FBXO34: variants seen among roughly 807,000 people sequenced by gnomAD.
The protein encoded by FBXO34 is F-box only protein 34.
A neutral mutation model predicts 24.5 loss-of-function variants in FBXO34; 12 were observed. That is an observed-to-expected ratio of 0.49 (90% confidence interval 0.31 to 0.79). FBXO34 has a LOEUF of 0.79. Among genes scored for constraint, FBXO34 ranks in the 30% least tolerant of loss-of-function variants. FBXO34 has a pLI of 0.04. For missense variants in FBXO34, 823 were observed against 857.7 expected, an observed-to-expected ratio of 0.96 and a Z score of 0.51; for synonymous variants, 320 against 311.9, an observed-to-expected ratio of 1.03 and a Z score of -0.27.
the FBXO34 span, among the ~76,000 whole-genome samples, chr14:55,406,969 T>C: frequency 1.3e-5 from 2 of 151,778 alleles, no homozygotes; most frequent in Non-Finnish European, 2.9e-5. Flanking sequence ...ATTGTCTTTT[T>C]TTTTTTTTTT....
At chr14:55,355,903 A>C (rs578104303), downstream of FBXO34, among the ~76,000 whole-genome samples, 1 of 152,296 alleles carries the variant, frequency 6.6e-6, no homozygotes, top group South Asian at 2.1e-4. Flanking sequence ...AGGGAGGTAA[A>C]GGGGTCTTGG....
intron 1 of FBXO34, among the ~76,000 whole-genome samples, chr14:55,286,909 T>C (rs1400320344): frequency 2.7e-5 from 4 of 148,874 alleles, no homozygotes; most frequent in Non-Finnish European, 6.0e-5. Flanking sequence ...TCATTTACTT[T>C]TTTTTTTTTT....
chr14:55,407,773 T>C, the FBXO34 span, among the ~76,000 whole-genome samples: 1 of 152,096 alleles, frequency 6.6e-6, no homozygotes, highest in Non-Finnish European at 1.5e-5. Flanking sequence ...TAGGGTACTG[T>C]GATAGCAAAT....
downstream of FBXO34, among the ~76,000 whole-genome samples, chr14:55,366,215 C>A (rs961606475): frequency 6.6e-6 from 1 of 152,108 alleles, no homozygotes; most frequent in Non-Finnish European, 1.5e-5. Context: ...ATTGTTAATA[C>A]CACCATAATC....
At chr14:55,442,674 C>T in the FBXO34 span, among the ~76,000 whole-genome samples, 1 of 152,076 alleles carries the variant, frequency 6.6e-6, no homozygotes, top group African/African-American at 2.4e-5. Context: ...CATATAATTG[C>T]TTACGATGGT....
In FBXO34 at chr14:55,352,346, G is replaced by A. The variant is rs757297376; in HGVS notation, c.1956G>A (p.Lys652=). The change falls in exon 2 of 2, where the codon AAG becomes AAA. Residue 652 remains lysine, a synonymous_variant. Transcript: ENST00000313833. ...TGTCCCTGTGCCGATGGCACCCCAA[G>A]CCCTATTGCCAGGCATTGCCCTATG... ...GDVSLCRWHP[K]PYCQALPYGP... is the part of the protein sequence containing the mutation. The A allele has an allele frequency of 3.7e-6, 6 of 1,614,102 alleles. No homozygotes were observed. The highest frequency in any genetic ancestry group is 1.3e-5 in the African/African-American group (1 of 74,930).
At chr14:55,285,431 T>C (rs1594725873) in intron 1 of FBXO34, 1 of 151,118 alleles carries the variant, frequency 6.6e-6, no homozygotes, top group South Asian at 2.1e-4. Flanking sequence ...TTACCTAAGG[T>C]GGGGTGAAGG....
chr14:55,369,528 A>G, downstream of FBXO34: 1 of 1,212,246 alleles, frequency 8.2e-7, no homozygotes, highest in Non-Finnish European at 1.1e-6. Context: ...TGTTCCAGAC[A>G]CTATCTTAAC....
chr14:55,377,680 C>G, the FBXO34 span: 3 of 482,748 alleles, frequency 6.2e-6, no homozygotes, highest in Non-Finnish European at 1.1e-5. Context: ...ACCTTTGTTT[C>G]TTTCTGTATT....
At chr14:55,396,034 G>C in the FBXO34 span, 1 of 1,414,388 alleles carries the variant, frequency 7.1e-7, no homozygotes, top group Non-Finnish European at 9.6e-7. Context: ...AAAATTCTGT[G>C]AAGTTCAAAA....
chr14:55,417,376 A>C, the FBXO34 span, among the ~76,000 whole-genome samples: 1 of 150,978 alleles, frequency 6.6e-6, no homozygotes, highest in Non-Finnish European at 1.5e-5. Flanking sequence ...AATTGGCTCC[A>C]TAGTCCTATT....
chr14:55,280,097 C>G (rs114458760), intron 1 of FBXO34, among the ~76,000 whole-genome samples: 1,824 of 152,210 alleles, frequency 0.012, 44 homozygotes, highest in African/African-American at 0.041. Flanking sequence ...TTCTTCTCAT[C>G]CTACTAGTAT....
At chr14:55,311,655 C>T (rs1166997730) in intron 1 of FBXO34, among the ~76,000 whole-genome samples, 1 of 152,096 alleles carries the variant, frequency 6.6e-6, no homozygotes, top group African/African-American at 2.4e-5. Flanking sequence ...AGAAATTAGC[C>T]CAAACAAAGG....
At chr14:55,435,986 A>AAG in the FBXO34 span, 1 of 1,184,396 alleles carries the variant, frequency 8.4e-7, no homozygotes, top group Non-Finnish European at 1.2e-6. Flanking sequence ...AGAGTAAAAA[A>AAG]AAAAAAAGAC....
the FBXO34 span, among the ~76,000 whole-genome samples, chr14:55,412,501 G>A: frequency 6.6e-6 from 1 of 152,164 alleles, no homozygotes; most frequent in East Asian, 1.9e-4. Flanking sequence ...CCTGGGCCAT[G>A]CTCTAAGAGA....
rs928596890 is a variant in FBXO34, at chr14:55,344,516, C to G, written c.-10-5865C>G. Among the ~76,000 whole-genome samples, 4 of 150,896 alleles carry G rather than the reference C, an allele frequency of 2.7e-5. No individual in the cohort carries two copies. The East Asian group carries it at 5.8e-4, about 22-fold the overall frequency. On this transcript the variant is annotated intron_variant, in intron 1 of 1. Coordinates refer to ENST00000313833, the MANE Select transcript of FBXO34 (RefSeq NM_017943.4). ...TGGATATCTCTGTCTTGTAGGCACT[C>G]AAGCCCAATGTTAATTTTTGTGTAT...
chr14:55,299,052 A>G (rs1015734775), intron 1 of FBXO34: 22 of 1,589,804 alleles, frequency 1.4e-5, no homozygotes, highest in East Asian at 4.5e-5. Flanking sequence ...TTCAACAGCA[A>G]TTTCGAAACC....
the FBXO34 span, among the ~76,000 whole-genome samples, chr14:55,375,869 T>G: frequency 6.6e-6 from 1 of 152,236 alleles, no homozygotes; most frequent in Admixed American, 6.5e-5. Flanking sequence ...TACATCAGTA[T>G]CTATGTAAGT....
intron 3 of FBXO34, among the ~76,000 whole-genome samples, chr14:55,360,729 G>A (rs944538824): frequency 6.6e-6 from 1 of 152,140 alleles, no homozygotes; most frequent in African/African-American, 2.4e-5. Context: ...CGGGCATGGT[G>A]GCTCACATCT....
Sources: allele counts gnomAD v4.1 joint callset (sites outside exome capture counted in the v4.1 genomes callset), GRCh38; gene constraint gnomAD v4.1.1; transcripts MANE v1.5; gene names NCBI Gene and HGNC (gene_info 2026-07-23, HGNC 2026-07-21).